The following TAF10 variants were observed in gnomAD, a reference collection of about 807,000 sequenced individuals.
The protein encoded by TAF10 is transcription initiation factor TFIID subunit 10.
Under a neutral mutation model 18.1 loss-of-function variants are expected in TAF10, and 2 were observed. That is an observed-to-expected ratio of 0.11 (90% CI 0.05 to 0.35). The LOEUF is 0.35. Among genes scored for constraint, TAF10 ranks in the 10% least tolerant of loss-of-function variants. TAF10 has a pLI of 1.00. For synonymous variants in TAF10, 158 were observed against 134.6 expected (o/e 1.17, Z -1.20); for missense variants, 293 against 306.9 (o/e 0.95, Z 0.34).
Position 6,606,812 on chromosome 11 carries a change from T to A in TAF10, c.*4110A>T, listed in dbSNP as rs924709454. On this transcript the variant is annotated 3_prime_UTR_variant, in exon 5 of 5. Coordinates refer to ENST00000299424, the MANE Select transcript of TAF10 (RefSeq NM_006284.4). ...TGCCCATACTTTTGCCCCCCGAGTTTGGCCTGCCCTGGCGCCACAGGCAGT... is the reference window on the plus strand; with the variant it reads ...TGCCCATACTTTTGCCCCCCGAGTTAGGCCTGCCCTGGCGCCACAGGCAGT... 1 of 152,164 alleles carries A rather than the reference T, an allele frequency of 6.6e-6. No homozygotes were observed. Among genetic ancestry groups the A allele is most frequent in the Admixed American group, 6.6e-5 (1 of 15,266 alleles). 9.4% of individuals were successfully genotyped at this position (152,164 alleles called of 1,614,324 possible).
In TAF10 at chr11:6,610,702, C is replaced by T; in HGVS notation, c.*220G>A. 3 of 1,513,432 alleles carry T rather than the reference C, an allele frequency of 2.0e-6. No homozygotes were observed. The highest frequency in any genetic ancestry group is 1.7e-5 in the Admixed American group (1 of 57,714). 93.8% of individuals were successfully genotyped at this position (1,513,432 alleles called of 1,614,324 possible). On this transcript the variant is annotated 3_prime_UTR_variant, in exon 5 of 5. Transcript: ENST00000299424. ...AAGCAGCAGGCCTCTGGTTGCCTCC[C>T]CCGCCTCCAGTCATGGTACTACCCC...
Position 6,609,194 on chromosome 11 carries a change from C to T in TAF10, c.*1728G>A, listed in dbSNP as rs781672806. 14 of 1,599,886 alleles carry T rather than the reference C, an allele frequency of 8.8e-6. No individual in the cohort carries two copies. The highest frequency in any genetic ancestry group is 1.1e-5 in the Non-Finnish European group (13 of 1,167,228). ...CTTCTTGCCCTTCCCTCACTAAACC[C>T]CCATAAATTACTTGCTTTGTACCTG... is the stretch of plus-strand genomic sequence containing the variant. On this transcript the variant is annotated 3_prime_UTR_variant, in exon 5 of 5. Coordinates refer to ENST00000299424, the MANE Select transcript of TAF10 (RefSeq NM_006284.4).
At position 6,609,905 on chromosome 11, in the gene TAF10, T is replaced by C. The variant is rs2134569550; in HGVS notation, c.*1017A>G. 2 of 1,614,174 alleles carry C rather than the reference T, an allele frequency of 1.2e-6. No individual in the cohort carries two copies. Among genetic ancestry groups the C allele is most frequent in the African/African-American group, 1.3e-5 (1 of 75,068 alleles). On this transcript the variant is annotated 3_prime_UTR_variant, in exon 5 of 5. Transcript: ENST00000299424. ...AAAAGCCCTTTGCCTATCTATGACT[T>C]ACCTCCTTCTATCTGTTTTCTCTTC...
Position 6,612,090 on chromosome 11 carries a change from G to A in TAF10, c.100C>T (p.Pro34Ser). 1 of 1,236,046 alleles carries A rather than the reference G, an allele frequency of 8.1e-7. No individual in the cohort carries two copies. Among genetic ancestry groups the A allele is most frequent in the Non-Finnish European group, 1.0e-6 (1 of 990,488 alleles). The allele number at this position is 1,236,046 out of a possible 1,614,324, so 76.6% of individuals were successfully genotyped here. A position where few individuals can be genotyped will look rare whatever the true frequency, so the allele number is the denominator to read the frequency against. ...APPVSAPAALPSSTAAENKAS... is the reference protein window; with the variant it reads ...APPVSAPAALSSSTAAENKAS... ...TTGTTCTCCGCGGCGGTGCTGGAGG[G>A]CAGCGCGGCGGGAGCCGAGACCGGG... Residue 34 changes from proline to serine, a missense_variant, in exon 1 of 5, where the codon CCC (proline) becomes TCC (serine). By Grantham distance (74) the Pro-to-Ser change is moderately conservative. Transcript: ENST00000299424.
Position 6,611,774 on chromosome 11 carries a change from A to T in TAF10, c.277T>A (p.Ser93Thr). Reference sequence around the variant, plus strand: ...CTCGGCAGTACGTAAACCCCGTTAGATATGGCCCCCTCCGGGGGCGCCGCG... The same window carrying T: ...CTCGGCAGTACGTAAACCCCGTTAGTTATGGCCCCCTCCGGGGGCGCCGCG... ...GGAAPPEGAI[S>T]NGVYVLPSAA... The change falls in exon 2 of 5, where the codon TCT (serine) becomes ACT (threonine). Residue 93 changes from serine to threonine, a missense_variant. Ser to Thr is a moderately conservative substitution (Grantham distance 58). Transcript: ENST00000299424. 6.2e-7 allele frequency: 1 copy of T among 1,608,240 alleles called. No individual in the cohort carries two copies. The highest frequency in any genetic ancestry group is 8.5e-7 in the Non-Finnish European group (1 of 1,176,938).
Position 6,610,092 on chromosome 11 carries a change from G to C in TAF10, c.*830C>G. On this transcript the variant is annotated 3_prime_UTR_variant, in exon 5 of 5. Coordinates refer to ENST00000299424, the MANE Select transcript of TAF10 (RefSeq NM_006284.4). ...AAGGACCACCTCAGAAGTAGTGGAAGGGGGCAGAGACAGGACAGGCAAGGG... is the reference window on the plus strand; with the variant it reads ...AAGGACCACCTCAGAAGTAGTGGAACGGGGCAGAGACAGGACAGGCAAGGG... 1 of 1,614,174 alleles carries C rather than the reference G, an allele frequency of 6.2e-7. No individual in the cohort carries two copies. The highest frequency in any genetic ancestry group is 1.1e-5 in the South Asian group (1 of 91,078).
At chr11:6,611,494 G>A (rs778100505) in intron 2 of TAF10, 42 bp from the exon 3 acceptor site, 10 of 1,611,894 alleles carry the variant, frequency 6.2e-6, no homozygotes, top group Middle Eastern at 1.6e-4. Context: ...AGCGGGAGGA[G>A]GGTGAGGGAA....
rs890164623 is a variant in TAF10 at position 6,607,550 on chromosome 11, G to A, written c.*3372C>T. On this transcript the variant is annotated 3_prime_UTR_variant, in exon 5 of 5. Transcript: ENST00000299424. The stretch of plus-strand genomic sequence containing the variant: ...TTTGTTCCCTCTTCTATAAGTTGTG[G>A]CCTGCCTTCTCCAAGACACCCTTCT... The A allele has an allele frequency of 1.1e-5, 2 of 174,178 alleles. No homozygotes were observed. Among genetic ancestry groups the A allele is most frequent in the South Asian group, 2.4e-4 (2 of 8,172 alleles). 10.8% of individuals were successfully genotyped at this position (174,178 alleles called of 1,614,324 possible).
In TAF10 at chr11:6,610,676, A is replaced by C; in HGVS notation, c.*246T>G. The C allele has an allele frequency of 6.3e-7, 1 of 1,597,628 alleles. No individual in the cohort carries two copies. The highest frequency in any genetic ancestry group is 8.6e-7 in the Non-Finnish European group (1 of 1,166,396). ...CATGGTTGGGGGAATGCACCTCCCC[A>C]AAGCAGCAGGCCTCTGGTTGCCTCC... On this transcript the variant is annotated 3_prime_UTR_variant, in exon 5 of 5. Coordinates refer to ENST00000299424, the MANE Select transcript of TAF10 (RefSeq NM_006284.4).
rs569140095 is a variant in TAF10, at chr11:6,608,917, G to T, written c.*2005C>A. On this transcript the variant is annotated 3_prime_UTR_variant, in exon 5 of 5. Transcript: ENST00000299424. This position sits in a 1 kb window ranked among gnomAD's most constrained non-coding sequence, Gnocchi z 4.9. Reference sequence around the variant, plus strand: ...GAGAAGATGGGCCAGAATCTCAACCGTATTCCATACAAGGACACATTCTGG... The same window carrying T: ...GAGAAGATGGGCCAGAATCTCAACCTTATTCCATACAAGGACACATTCTGG... 1 of 1,613,998 alleles carries T rather than the reference G, an allele frequency of 6.2e-7. No homozygotes were observed. The highest frequency in any genetic ancestry group is 1.3e-5 in the African/African-American group (1 of 74,878).
At position 6,609,005 on chromosome 11, in the gene TAF10, AAT is replaced by A; in HGVS notation, c.*1915_*1916del. 6.2e-7 allele frequency: 1 copy of A among 1,613,356 alleles called. No homozygotes were observed. Among genetic ancestry groups the A allele is most frequent in the South Asian group, 1.1e-5 (1 of 91,044 alleles). On this transcript the variant is annotated 3_prime_UTR_variant, in exon 5 of 5. Transcript: ENST00000299424. ...TGTGGGAAGAAGGGTTGTAAAAGGA[AAT>A]AATCCTGGCCTCTTGGGGCTGGGTT... is the stretch of plus-strand genomic sequence containing the variant.
At position 6,608,032 on chromosome 11, in the gene TAF10, C is replaced by T; in HGVS notation, c.*2890G>A. 6.2e-7 allele frequency: 1 copy of T among 1,613,556 alleles called. No homozygotes were observed. Among genetic ancestry groups the T allele is most frequent in the Non-Finnish European group, 8.5e-7 (1 of 1,179,874 alleles). Reference sequence around the variant, plus strand: ...CCCACCTCCAGCTCAATGACCATTGCCCCTTCCTCAAAGGGACGATCATGG... The same window carrying T: ...CCCACCTCCAGCTCAATGACCATTGTCCCTTCCTCAAAGGGACGATCATGG... On this transcript the variant is annotated 3_prime_UTR_variant, in exon 5 of 5. Coordinates refer to ENST00000299424, the MANE Select transcript of TAF10 (RefSeq NM_006284.4). The surrounding 1 kb of genome is among the most constrained non-coding windows in gnomAD (Gnocchi z 4.9).
chr11:6,612,031 C>T lies in TAF10; in HGVS notation c.159G>A (p.Gly53=), dbSNP rs769962177. Reference sequence around the variant, plus strand: ...CCGTGCCCCCAGCAGCTGCTCCAGCCCCAGGTCCCCCCGCTGTCCCCGCGG... The same window carrying T: ...CCGTGCCCCCAGCAGCTGCTCCAGCTCCAGGTCCCCCCGCTGTCCCCGCGG... ...ASPAGTAGGP[G]AGAAAGGTGP... is the part of the protein sequence containing the mutation. The change falls in exon 1 of 5, where the codon GGG becomes GGA. Residue 53 remains glycine (G), a synonymous_variant. Coordinates refer to ENST00000299424, the MANE Select transcript of TAF10 (RefSeq NM_006284.4). 1.3e-6 allele frequency: 2 copies of T among 1,502,068 alleles called. No homozygotes were observed. The highest frequency in any genetic ancestry group is 8.8e-7 in the Non-Finnish European group (1 of 1,134,020). 93.0% of individuals were successfully genotyped at this position (1,502,068 alleles called of 1,614,324 possible).
At chr11:6,611,883 T>C in intron 1 of TAF10, 65 bp from the exon 2 acceptor site, 1 of 1,565,934 alleles carries the variant, frequency 6.4e-7, no homozygotes, top group Non-Finnish European at 8.6e-7. Flanking sequence ...TAGGTCTGTC[T>C]ATACCCTCTG....
Position 6,608,276 on chromosome 11 carries a change from T to C in TAF10, c.*2646A>G. The C allele has an allele frequency of 6.3e-7, 1 of 1,589,876 alleles. No individual in the cohort carries two copies. The highest frequency in any genetic ancestry group is 8.6e-7 in the Non-Finnish European group (1 of 1,157,872). The stretch of plus-strand genomic sequence containing the variant: ...CCATGAGGGTCAGTCACAGGCACTG[T>C]AACATACAGTAGAAAGCATGTGTGC... On this transcript the variant is annotated 3_prime_UTR_variant, in exon 5 of 5. Transcript: ENST00000299424. This position sits in a 1 kb window ranked among gnomAD's most constrained non-coding sequence, Gnocchi z 4.9.
At position 6,610,282 on chromosome 11, in the gene TAF10, A is replaced by G. The variant is rs1490570076; in HGVS notation, c.*640T>C. 6.2e-7 allele frequency: 1 copy of G among 1,614,052 alleles called. No homozygotes were observed. The highest frequency in any genetic ancestry group is 8.5e-7 in the Non-Finnish European group (1 of 1,180,054). On this transcript the variant is annotated 3_prime_UTR_variant, in exon 5 of 5. Coordinates refer to ENST00000299424, the MANE Select transcript of TAF10 (RefSeq NM_006284.4). ...CAATATGGAGATTGGAATGAAGGTG[A>G]GAGCACAACAGCATACATTTGTGTT...
chr11:6,611,934 G>T lies in TAF10; in HGVS notation c.232+24C>A, dbSNP rs3176310. 8.4e-4 allele frequency: 1,330 copies of T among 1,574,588 alleles called. 6 individuals are homozygous for T. In the African/African-American group the frequency reaches 0.014, roughly 17 times the overall value. On this transcript the variant is annotated intron_variant, in intron 1 of 4. Coordinates refer to ENST00000299424, the MANE Select transcript of TAF10 (RefSeq NM_006284.4). The stretch of plus-strand genomic sequence containing the variant: ...GGACCCAGCCCAAGACGCTTCCCTC[G>T]CCCTCACCCGTCCCGGCCCTCACCC...
At position 6,609,494 on chromosome 11, in the gene TAF10, A is replaced by G. The variant is rs373350588; in HGVS notation, c.*1428T>C. 1 of 1,613,586 alleles carries G rather than the reference A, an allele frequency of 6.2e-7. No homozygotes were observed. ...AGATCTTTTGTACTGGGTCTCAACC[A>G]CTCCCTCCCTCTTCTAGGATTTTCT... On this transcript the variant is annotated 3_prime_UTR_variant, in exon 5 of 5. Transcript: ENST00000299424.
chr11:6,609,217 CTGTTT>C lies in TAF10; in HGVS notation c.*1700_*1704del, dbSNP rs1295702854. 6 of 1,600,222 alleles carry C rather than the reference CTGTTT, an allele frequency of 3.7e-6. No homozygotes were observed. The highest frequency in any genetic ancestry group is 1.1e-5 in the South Asian group (1 of 90,726). ...CCCCCATAAATTACTTGCTTTGTAC[CTGTTT>C]TAAGTTTTTCCTCCAGTTAGTGGGC... On this transcript the variant is annotated 3_prime_UTR_variant, in exon 5 of 5. Coordinates refer to ENST00000299424, the MANE Select transcript of TAF10 (RefSeq NM_006284.4).
Sources: gnomAD v4.1 joint callset for allele counts on GRCh38, gnomAD v4.1.1 for gene constraint, Gnocchi (gnomAD v3.1) non-coding constraint, MANE v1.5 for transcripts, NCBI Gene and HGNC (gene_info 2026-07-23, HGNC 2026-07-21) for gene names.